The following P4HA3 variants were observed in gnomAD, a reference collection of about 807,000 sequenced individuals.
P4HA3 encodes the protein prolyl 4-hydroxylase subunit alpha 3.
In P4HA3, 60 loss-of-function variants were observed where a neutral mutation model predicts 66.7. That is an observed-to-expected ratio of 0.90 (90% confidence interval 0.73 to 1.12). The LOEUF (loss-of-function observed/expected upper bound fraction) is 1.12. Among genes scored for constraint, P4HA3 ranks in the 50% most tolerant of loss-of-function variants. The pLI, the probability that P4HA3 is intolerant of heterozygous loss-of-function variation, is 0.00. For missense variants in P4HA3, 683 were observed against 685.8 expected (o/e 1.00, Z 0.05); for synonymous variants, 263 against 274.6 (o/e 0.96, Z 0.42).
intron 7 of P4HA3, 135 bp from the exon 8 acceptor site, chr11:74,279,587 G>A (rs1860520651): frequency 2.5e-6 from 2 of 789,368 alleles, no homozygotes; most frequent in Non-Finnish European, 4.4e-6. Context: ...AGGACATTTT[G>A]CATGTGGGAC....
chr11:74,258,952 T>C (rs972453411), intron 15 of P4HA3, among the ~76,000 whole-genome samples: 1 of 152,192 alleles, frequency 6.6e-6, no homozygotes, highest in Non-Finnish European at 1.5e-5. Flanking sequence ...TCATCCTGAC[T>C]GGGAATCCCC....
rs917037170 is a variant in P4HA3 at position 74,280,323 on chromosome 11, T to TA, written c.1111-872dup. The stretch of plus-strand genomic sequence containing the variant: ...CACATGCCACCAAACCTGGCTAATT[T>TA]AAAAAAAAAATGTTTTTGTAGATAC... On this transcript the variant is annotated intron_variant, in intron 7 of 12. Transcript: ENST00000331597. 1.2e-3 allele frequency among the ~76,000 whole-genome samples: 177 copies of TA among 149,504 alleles called. 3 individuals carry two copies. In the South Asian group the frequency reaches 0.015, roughly 13 times the overall value.
intron 5 of P4HA3, 72 bp downstream of exon 5, chr11:74,289,007 A>T: frequency 8.8e-7 from 1 of 1,138,966 alleles, no homozygotes; most frequent in Non-Finnish European, 1.2e-6. Flanking sequence ...TGCAGGAATT[A>T]AAGGCCAGGA....
intron 15 of P4HA3, chr11:74,251,548 AGG>A: frequency 1.3e-6 from 2 of 1,528,550 alleles, no homozygotes; most frequent in African/African-American, 2.8e-5. Context: ...GGGTGGGATG[AGG>A]GCACCGTAGA....
chr11:74,281,572 T>C (rs1860598735), intron 7 of P4HA3, among the ~76,000 whole-genome samples: 1 of 152,010 alleles, frequency 6.6e-6, no homozygotes, highest in South Asian at 2.1e-4. Context: ...ATGTCCTTTG[T>C]AGGGACATGG....
chr11:74,291,975 G>A (rs1861045085), intron 4 of P4HA3, among the ~76,000 whole-genome samples: 2 of 152,110 alleles, frequency 1.3e-5, no homozygotes, highest in African/African-American at 2.4e-5. Context: ...GAGTTAGGGA[G>A]GATTCCCTCT....
At position 74,294,142 on chromosome 11, in the gene P4HA3, G is replaced by A. The variant is rs548475502; in HGVS notation, c.717+4070C>T. ...CCCATATTTCTTGGATGCTTTGTTCGTTTCTTTTTATTCTTTTTTCTCTAA... is the reference window on the plus strand; with the variant it reads ...CCCATATTTCTTGGATGCTTTGTTCATTTCTTTTTATTCTTTTTTCTCTAA... On this transcript the variant is annotated intron_variant, in intron 4 of 12. Coordinates refer to ENST00000331597, the MANE Select transcript of P4HA3 (RefSeq NM_182904.5). 1.8e-4 allele frequency among the ~76,000 whole-genome samples: 28 copies of A among 152,208 alleles called. 1 individual carries two copies. The highest frequency in any genetic ancestry group is 1.5e-3 in the South Asian group (7 of 4,822).
Position 74,267,308 on chromosome 11 carries a change from C to T in P4HA3, c.1575G>A (p.Lys525=), listed in dbSNP as rs1860022260. The change falls in exon 13 of 13, where the codon AAG becomes AAA. Residue 525 remains lysine (K), a synonymous_variant. Coordinates refer to ENST00000331597, the MANE Select transcript of P4HA3 (RefSeq NM_182904.5). The part of the protein sequence containing the change: ...VLVGDKWVAN[K]WIHEYGQEFR... ...ATTCCTGTCCATACTCATGTATCCA[C>T]TTGTTGGCCACTGGGAGAGAACAGG... The T allele has an allele frequency of 1.2e-6, 2 of 1,614,052 alleles. No individual in the cohort carries two copies. The highest frequency in any genetic ancestry group is 1.3e-5 in the African/African-American group (1 of 74,950).
At chr11:74,255,899 TG>T (rs1859819976) in intron 15 of P4HA3, 1 of 513,460 alleles carries the variant, frequency 1.9e-6, no homozygotes, top group Non-Finnish European at 3.9e-6. Flanking sequence ...TCCTTATGTG[TG>T]GTTTGATTTC....
chr11:74,298,479 T>A, intron 3 of P4HA3, 118 bp from the exon 4 acceptor site: 2 of 1,197,134 alleles, frequency 1.7e-6, no homozygotes, highest in Non-Finnish European at 2.3e-6. Flanking sequence ...AATTTCAAAT[T>A]CATTTTAATT....
chr11:74,276,901 G>C, intron 9 of P4HA3, 84 bp downstream of exon 9: 2 of 1,344,174 alleles, frequency 1.5e-6, no homozygotes, highest in Non-Finnish European at 2.0e-6. Context: ...TATTCCCTGA[G>C]AGCCTACAAG....
At chr11:74,276,927 A>C (rs1860416533) in intron 9 of P4HA3, 58 bp downstream of exon 9, 3 of 1,521,060 alleles carry the variant, frequency 2.0e-6, no homozygotes, top group Non-Finnish European at 2.7e-6. Context: ...TGCCTCAGAG[A>C]AATAAATAAT....
intron 15 of P4HA3, among the ~76,000 whole-genome samples, chr11:74,256,320 A>C (rs770931241): frequency 2.0e-5 from 3 of 152,192 alleles, no homozygotes; most frequent in Non-Finnish European, 4.4e-5. Flanking sequence ...GAATGAATGA[A>C]ATGCTCGTGA....
intron 12 of P4HA3, 66 bp downstream of exon 12, chr11:74,268,079 C>T (rs1860051330): frequency 7.2e-7 from 1 of 1,381,546 alleles, no homozygotes; most frequent in African/African-American, 1.4e-5. Flanking sequence ...AGGTCCCACC[C>T]ATCCCCTGTT....
At chr11:74,256,924 C>A (rs1859840259) in intron 15 of P4HA3, among the ~76,000 whole-genome samples, 1 of 152,138 alleles carries the variant, frequency 6.6e-6, no homozygotes, top group Non-Finnish European at 1.5e-5. Context: ...GGAGCATTTG[C>A]TGATTAAGCA....
chr11:74,294,640 T>C (rs568547218), intron 4 of P4HA3, among the ~76,000 whole-genome samples: 4 of 152,358 alleles, frequency 2.6e-5, no homozygotes, highest in African/African-American at 2.4e-5. Context: ...ATGTCCTTTC[T>C]GTTTGTTAGT....
intron 14 of P4HA3, among the ~76,000 whole-genome samples, chr11:74,260,483 C>T (rs1219490571): frequency 6.6e-6 from 1 of 152,016 alleles, no homozygotes; most frequent in African/African-American, 2.4e-5. Context: ...GAGGGGGGCC[C>T]CTTAGGGGAC....
At chr11:74,297,684 G>C (rs985930488) in intron 4 of P4HA3, among the ~76,000 whole-genome samples, 2 of 152,186 alleles carry the variant, frequency 1.3e-5, no homozygotes, top group Non-Finnish European at 2.9e-5. Flanking sequence ...AGGCACTGTG[G>C]CTGGTACTAC....
At chr11:74,305,356 T>C (rs187703082) in intron 1 of P4HA3, among the ~76,000 whole-genome samples, 1 of 152,242 alleles carries the variant, frequency 6.6e-6, no homozygotes, top group East Asian at 1.9e-4. Flanking sequence ...GTGCTCTAAA[T>C]AGATTGTCTC....
Sources: gnomAD v4.1 joint callset for allele counts (sites outside exome capture counted in the v4.1 genomes callset) on GRCh38, gnomAD v4.1.1 for gene constraint, MANE v1.5 for transcripts, NCBI Gene and HGNC (gene_info 2026-07-23, HGNC 2026-07-21) for gene names.